PDE4D: variants seen among roughly 807,000 people sequenced by gnomAD.
PDE4D encodes phosphodiesterase 4D, also known as 3',5'-cyclic-AMP phosphodiesterase 4D.
PDE4D carries 24 observed loss-of-function variants against 87.4 expected under a neutral mutation model. That is an observed-to-expected ratio of 0.27 (90% CI 0.20 to 0.39). PDE4D has a LOEUF of 0.39. PDE4D is among the 10% of genes least tolerant of loss of function. PDE4D has a pLI of 1.00. For missense variants in PDE4D, 714 were observed against 1,041.0 expected (o/e 0.69, Z 4.32); for synonymous variants, 384 against 383.2 (o/e 1.00, Z -0.02).
chr5:59,528,656 C>T (rs1813599271), intron 1 of PDE4D, among the ~76,000 whole-genome samples: 1 of 151,980 alleles, frequency 6.6e-6, no homozygotes, highest in Non-Finnish European at 1.5e-5. Flanking sequence ...CTGGAATTTG[C>T]TAATCTTTGG....
chr5:59,575,606 T>C (rs1337305207), intron 1 of PDE4D, among the ~76,000 whole-genome samples: 1 of 152,164 alleles, frequency 6.6e-6, no homozygotes, highest in Non-Finnish European at 1.5e-5. Flanking sequence ...ATGCTCAAGA[T>C]GACAATTTTT....
chr5:59,869,663 G>A (rs528646724), intron 1 of PDE4D, among the ~76,000 whole-genome samples: 2 of 152,270 alleles, frequency 1.3e-5, no homozygotes, highest in Admixed American at 1.3e-4. Flanking sequence ...CCAGTTGAAA[G>A]TGAACCTCAC....
intron 1 of PDE4D, among the ~76,000 whole-genome samples, chr5:60,202,432 A>T (rs1742024429): frequency 6.6e-6 from 1 of 152,138 alleles, no homozygotes; most frequent in African/African-American, 2.4e-5. Flanking sequence ...CTCCCAAAGT[A>T]CTGGGATTAC....
chr5:60,227,700 A>G (rs986704112), intron 1 of PDE4D, among the ~76,000 whole-genome samples: 2 of 152,046 alleles, frequency 1.3e-5, no homozygotes, highest in African/African-American at 4.8e-5. Flanking sequence ...CCTCCTAATT[A>G]GTCTTTGCAC....
rs1162200137 is a variant in PDE4D at position 59,013,509 on chromosome 5, A to ACT, written c.922-20045_922-20044insAG. On this transcript the variant is annotated intron_variant, in intron 6 of 14. Coordinates refer to ENST00000340635, the MANE Select transcript of PDE4D (RefSeq NM_001104631.2). ...CCAGAGATACAAACTACCATCAGAGAATAACACCTCTACACAAATAAACTA... is the reference window on the plus strand; with the variant it reads ...CCAGAGATACAAACTACCATCAGAGACTATAACACCTCTACACAAATAAACTA... 2.1e-5 allele frequency among the ~76,000 whole-genome samples: 3 copies of ACT among 144,342 alleles called. No homozygotes were observed. The East Asian group carries it at 8.3e-4, about 40-fold the overall frequency. 94.7% of individuals were successfully genotyped at this position (144,342 alleles called of 152,430 possible).
At chr5:60,093,916 T>C (rs1474068939) in intron 2 of PDE4D, among the ~76,000 whole-genome samples, 1 of 152,176 alleles carries the variant, frequency 6.6e-6, no homozygotes, top group Non-Finnish European at 1.5e-5. Context: ...CAATTATCTA[T>C]GGATGGTGAA....
At chr5:59,250,531 T>C (rs1013989908) in intron 1 of PDE4D, among the ~76,000 whole-genome samples, 4 of 150,846 alleles carry the variant, frequency 2.7e-5, no homozygotes, top group Admixed American at 2.0e-4. Context: ...AAAAAAAGAA[T>C]ATGTAAGGGT....
At chr5:59,359,931 T>C (rs1048784069) in intron 1 of PDE4D, among the ~76,000 whole-genome samples, 32 of 152,150 alleles carry the variant, frequency 2.1e-4, no homozygotes, top group African/African-American at 7.2e-4. Context: ...TTGTTATCCA[T>C]GTAAGTCCTA....
intron 5 of PDE4D, among the ~76,000 whole-genome samples, chr5:59,091,431 C>T (rs2910643): frequency 0.85 from 129,435 of 152,072 alleles, 55,572 homozygotes; most frequent in African/African-American, 0.96. Context: ...CTTTATACAA[C>T]AGAATGCTAT....
chr5:59,428,180 A>T (rs933752936), intron 1 of PDE4D, among the ~76,000 whole-genome samples: 4 of 152,208 alleles, frequency 2.6e-5, no homozygotes, highest in Non-Finnish European at 4.4e-5. Flanking sequence ...CTGTTTTCCA[A>T]GAAAAACATG....
intron 1 of PDE4D, among the ~76,000 whole-genome samples, chr5:60,431,491 C>T (rs1019013983): frequency 2.0e-5 from 3 of 151,064 alleles, no homozygotes; most frequent in African/African-American, 4.9e-5. Flanking sequence ...CGGGCAGAGA[C>T]GCTCCTCACT....
At chr5:59,251,240 C>A (rs1429620979) in intron 1 of PDE4D, among the ~76,000 whole-genome samples, 1 of 152,128 alleles carries the variant, frequency 6.6e-6, no homozygotes, top group Non-Finnish European at 1.5e-5. Flanking sequence ...GTTAAACAGA[C>A]AACCTACAGA....
At chr5:60,037,698 A>G (rs996901771) in intron 2 of PDE4D, among the ~76,000 whole-genome samples, 25 of 152,348 alleles carry the variant, frequency 1.6e-4, no homozygotes, top group Non-Finnish European at 2.9e-4. Flanking sequence ...GGAGACAGGT[A>G]GCACATCTGA....
At chr5:59,025,021 G>C (rs1755940314) in intron 6 of PDE4D, among the ~76,000 whole-genome samples, 1 of 147,818 alleles carries the variant, frequency 6.8e-6, no homozygotes, top group African/African-American at 2.5e-5. Context: ...TGGCCAAAGT[G>C]GTCAAAAAAA....
At chr5:59,131,395 TTATA>T (rs1309542758) in intron 5 of PDE4D, among the ~76,000 whole-genome samples, 3 of 152,172 alleles carry the variant, frequency 2.0e-5, no homozygotes, top group African/African-American at 4.8e-5. Context: ...TAAAAAATTG[TTATA>T]TAAAGTTGGG....
In PDE4D at chr5:59,786,593, C is replaced by T. The variant is rs376098658; in HGVS notation, c.455+106575G>A. On this transcript the variant is annotated intron_variant, in intron 1 of 14. Transcript: ENST00000340635. ...CTGTGGCAGAAAATAACCTTTTTAA[C>T]AGGGACTTTAGGCGAGGATAGTACT... Among the ~76,000 whole-genome samples, 30 of 152,300 alleles carry T rather than the reference C, an allele frequency of 2.0e-4. No individual in the cohort carries two copies. The East Asian group carries it at 3.3e-3, about 17-fold the overall frequency.
chr5:60,239,151 T>C (rs889022144), intron 1 of PDE4D, among the ~76,000 whole-genome samples: 7 of 152,130 alleles, frequency 4.6e-5, no homozygotes, highest in Non-Finnish European at 1.0e-4. Flanking sequence ...TTAATTATTA[T>C]ATGTTGTAAG....
intron 5 of PDE4D, among the ~76,000 whole-genome samples, chr5:59,108,955 ATGTGTGTGTGTG>A (rs57004711): frequency 9.4e-4 from 115 of 121,898 alleles, no homozygotes; most frequent in Middle Eastern, 4.4e-3. Flanking sequence ...TAGGAACTCA[ATGTGTGTGTGTG>A]TGTGTGTGTG....
chr5:59,023,825 G>A (rs181777721), intron 6 of PDE4D, among the ~76,000 whole-genome samples: 3 of 151,722 alleles, frequency 2.0e-5, no homozygotes, highest in African/African-American at 7.3e-5. Context: ...TTGTTCATAT[G>A]TATCAAACAG....
Sources: allele counts gnomAD v4.1 joint callset (sites outside exome capture counted in the v4.1 genomes callset), GRCh38; gene constraint gnomAD v4.1.1; transcripts MANE v1.5; gene names NCBI Gene and HGNC (gene_info 2026-07-23, HGNC 2026-07-21).